The following JPH3 variants were observed in gnomAD, a reference collection of about 807,000 sequenced individuals.
JPH3 encodes junctophilin-3.
In JPH3, 11 loss-of-function variants were observed where a neutral mutation model predicts 59.6. That is an observed-to-expected ratio of 0.18 (90% CI 0.12 to 0.31). The LOEUF (loss-of-function observed/expected upper bound fraction) is 0.31, where lower values mean the gene tolerates loss of function less well. JPH3 is among the 10% of genes least tolerant of loss of function. JPH3 has a pLI of 1.00. For missense variants in JPH3, 1,202 were observed against 1,105.7 expected (o/e 1.09, Z -1.24); for synonymous variants, 673 against 483.6 (o/e 1.39, Z -5.14).
chr16:87,688,564 A>G (rs1437446204), intron 3 of JPH3, among the ~76,000 whole-genome samples: 1 of 151,976 alleles, frequency 6.6e-6, no homozygotes, highest in Non-Finnish European at 1.5e-5. Flanking sequence ...AGACTCTAAG[A>G]TGGGCAGTGG....
upstream of JPH3, chr16:87,602,054 G>C (rs891449921): frequency 6.5e-6 from 1 of 152,688 alleles, no homozygotes; most frequent in East Asian, 1.9e-4. Context: ...GGGCAGGCGG[G>C]GCAGATCCGA....
At chr16:87,644,121 C>T (rs1006688914) in intron 1 of JPH3, 137 bp from the exon 2 acceptor site, 2 of 918,468 alleles carry the variant, frequency 2.2e-6, no homozygotes, top group South Asian at 1.7e-5. Flanking sequence ...CTGGGCAACA[C>T]AGCGAGAACC....
chr16:87,696,013 G>A (rs532308876), intron 4 of JPH3: 1 of 456,118 alleles, frequency 2.2e-6, no homozygotes, highest in African/African-American at 2.0e-5. Flanking sequence ...ATTGGACACA[G>A]TCCTCCAGAG....
intron 1 of JPH3, among the ~76,000 whole-genome samples, chr16:87,631,762 C>CT (rs960096440): frequency 8.5e-5 from 13 of 152,224 alleles, no homozygotes; most frequent in African/African-American, 2.9e-4. Context: ...CTACCTACCT[C>CT]TTTTTTTGAT....
In JPH3 at chr16:87,659,956, C is replaced by T. The variant is rs189026208; in HGVS notation, c.1160+14921C>T. Among the ~76,000 whole-genome samples the T allele has an allele frequency of 2.6e-5, 4 of 152,288 alleles. No individual in the cohort carries two copies. The East Asian group carries it at 7.7e-4, about 29-fold the overall frequency. ...TGGAGAGGGATAGCATGGCCCTGCTCCGTCCCTTCTGGGCCCGTTGAGCTC... is the reference window on the plus strand; with the variant it reads ...TGGAGAGGGATAGCATGGCCCTGCTTCGTCCCTTCTGGGCCCGTTGAGCTC... On this transcript the variant is annotated intron_variant, in intron 2 of 4. Transcript: ENST00000284262.
chr16:87,690,168 T>C lies in JPH3; in HGVS notation c.1808T>C (p.Leu603Pro). The C allele has an allele frequency of 6.3e-7, 1 of 1,599,596 alleles. No individual in the cohort carries two copies. Among genetic ancestry groups the C allele is most frequent in the Non-Finnish European group, 8.5e-7 (1 of 1,173,490 alleles). ...CCCGGAGGCTCCAGGCTGCTGGAGC[T>C]GCAGGAGGAGAAGCTGAGCAACTAC... is the stretch of plus-strand genomic sequence containing the variant. ...HSPGGSRLLE[L>P]QEEKLSNYRM... The change falls in exon 4 of 5, where the codon CTG becomes CCG. Residue 603 changes from leucine to proline, a missense_variant. Coordinates refer to ENST00000284262, the MANE Select transcript of JPH3 (RefSeq NM_020655.4).
At chr16:87,625,595 C>A (rs1382575993) in intron 1 of JPH3, among the ~76,000 whole-genome samples, 1 of 152,304 alleles carries the variant, frequency 6.6e-6, no homozygotes, top group Non-Finnish European at 1.5e-5. Flanking sequence ...ACTGGCCCCA[C>A]CTGTTGCCCT....
At chr16:87,672,252 G>T (rs2033036385) in intron 2 of JPH3, among the ~76,000 whole-genome samples, 1 of 152,122 alleles carries the variant, frequency 6.6e-6, no homozygotes, top group Admixed American at 6.5e-5. Context: ...AACACGCCGG[G>T]AGCCCTGCGC....
intron 2 of JPH3, among the ~76,000 whole-genome samples, chr16:87,676,259 C>T (rs545732259): frequency 6.6e-6 from 1 of 152,326 alleles, no homozygotes; most frequent in African/African-American, 2.4e-5. Context: ...GTTTGTGTCT[C>T]CCTTTTCCTC....
chr16:87,636,375 T>C (rs1173959879), intron 1 of JPH3, among the ~76,000 whole-genome samples: 2 of 152,204 alleles, frequency 1.3e-5, no homozygotes, highest in Non-Finnish European at 2.9e-5. Flanking sequence ...TAATCAAGCA[T>C]AAATGCAAAG....
chr16:87,626,077 G>T (rs963474275), intron 1 of JPH3, among the ~76,000 whole-genome samples: 2 of 152,296 alleles, frequency 1.3e-5, no homozygotes, highest in East Asian at 1.9e-4. Context: ...TATCGGGGGT[G>T]TTTACCCTCC....
intron 2 of JPH3, among the ~76,000 whole-genome samples, chr16:87,665,015 G>C (rs540903035): frequency 6.6e-6 from 1 of 152,344 alleles, no homozygotes; most frequent in African/African-American, 2.4e-5. Context: ...CCATCTGTTT[G>C]CTCCCGTTTG....
chr16:87,695,093 G>A, intron 4 of JPH3: 2 of 353,638 alleles, frequency 5.7e-6, no homozygotes, highest in East Asian at 7.5e-5. Context: ...TGGGTCCCCG[G>A]TGTTCTCATC....
intron 1 of JPH3, among the ~76,000 whole-genome samples, chr16:87,636,294 C>T (rs1448377772): frequency 2.6e-5 from 4 of 152,216 alleles, no homozygotes; most frequent in Admixed American, 6.5e-5. Context: ...TGCCCTCAGC[C>T]GCGGTTGGCC....
At position 87,644,820 on chromosome 16, in the gene JPH3, G is replaced by T; in HGVS notation, c.945G>T (p.Trp315Cys). Reference sequence around the variant, plus strand: ...ACGGGCTCAAGTACGAGGGCGAGTGGGCCAGCAACCGGCGCCATGGCTACG... The same window carrying T: ...ACGGGCTCAAGTACGAGGGCGAGTGTGCCAGCAACCGGCGCCATGGCTACG... Reference protein sequence around the residue: ...RSDGLKYEGEWASNRRHGYGC... With the variant: ...RSDGLKYEGECASNRRHGYGC... Residue 315 changes from tryptophan (W) to cysteine (C), a missense_variant, in exon 2 of 5, where the codon TGG (tryptophan) becomes TGT (cysteine). Physicochemically the swap from Trp to Cys is radical, Grantham distance 215. Transcript: ENST00000284262. 6.2e-7 allele frequency: 1 copy of T among 1,613,424 alleles called. No individual in the cohort carries two copies. The highest frequency in any genetic ancestry group is 8.5e-7 in the Non-Finnish European group (1 of 1,179,908).
At chr16:87,696,235 C>T (rs1378181228) in intron 4 of JPH3, 1 of 439,610 alleles carries the variant, frequency 2.3e-6, no homozygotes, top group East Asian at 5.5e-5. Context: ...GCACAAAGGC[C>T]ACACGCACCG....
chr16:87,681,579 C>T (rs147444490), intron 2 of JPH3, among the ~76,000 whole-genome samples: 174 of 140,868 alleles, frequency 1.2e-3, no homozygotes, highest in Non-Finnish European at 1.2e-3. Context: ...ATGACAGTTC[C>T]GGGAGGTCAG....
intron 3 of JPH3, among the ~76,000 whole-genome samples, chr16:87,689,375 T>G (rs1597293105): frequency 6.6e-6 from 1 of 152,262 alleles, no homozygotes; most frequent in East Asian, 1.9e-4. Context: ...GGGTCTCCCT[T>G]GTAGCCTGGG....
At chr16:87,647,083 G>A (rs576974491) in intron 2 of JPH3, among the ~76,000 whole-genome samples, 1 of 152,162 alleles carries the variant, frequency 6.6e-6, no homozygotes, top group East Asian at 1.9e-4. Context: ...TGAAGCTTAG[G>A]TGGTAACAGC....
Sources: allele counts gnomAD v4.1 joint callset (sites outside exome capture counted in the v4.1 genomes callset), GRCh38; gene constraint gnomAD v4.1.1; transcripts MANE v1.5; gene names NCBI Gene and HGNC (gene_info 2026-07-23, HGNC 2026-07-21).